The following UNC13A variants were observed in gnomAD, a reference collection of about 807,000 sequenced individuals.
The protein encoded by UNC13A is protein unc-13 homolog A.
Under a neutral mutation model 219.7 loss-of-function variants are expected in UNC13A, and 61 were observed. The observed-to-expected ratio is 0.28, with a 90% CI of 0.23 to 0.34. The LOEUF is 0.34. UNC13A is among the 10% of genes least tolerant of loss of function. UNC13A has a pLI of 1.00. For synonymous variants in UNC13A, 920 were observed against 884.6 expected, an observed-to-expected ratio of 1.04 and a Z score of -0.71; for missense variants, 1,476 against 2,270.3, an observed-to-expected ratio of 0.65 and a Z score of 7.11.
rs562193564 is a variant in UNC13A at position 17,626,602 on chromosome 19, C to T, written c.4073+31G>A. On this transcript the variant is annotated intron_variant, in intron 34 of 43. Transcript: ENST00000519716. The stretch of plus-strand genomic sequence containing the variant: ...CTATGGCCCTGCCCCAGCCCCTCCC[C>T]GGCCAGCCCAGTCCACCTGGCCCAG... 67 of 1,514,656 alleles carry T rather than the reference C, an allele frequency of 4.4e-5. No homozygotes were observed. In the East Asian group the frequency reaches 1.1e-3, roughly 25 times the overall value. 93.8% of individuals were successfully genotyped at this position (1,514,656 alleles called of 1,614,324 possible). A position where few individuals can be genotyped will look rare whatever the true frequency, so the allele number is the denominator to read the frequency against.
chr19:17,611,691 G>A, intron 42 of UNC13A, 72 bp downstream of exon 42: 2 of 1,387,132 alleles, frequency 1.4e-6, no homozygotes, highest in Admixed American at 3.5e-5. Flanking sequence ...AAAAAAGGGT[G>A]TTGCTTAAGC....
chr19:17,605,999 C>T lies in UNC13A; in HGVS notation c.*55G>A, dbSNP rs2076521077. The T allele has an allele frequency of 2.2e-6, 3 of 1,380,398 alleles. No individual in the cohort carries two copies. Among genetic ancestry groups the T allele is most frequent in the Admixed American group, 4.0e-5 (1 of 25,294 alleles). 85.5% of individuals were successfully genotyped at this position (1,380,398 alleles called of 1,614,324 possible). A position where few individuals can be genotyped will look rare whatever the true frequency, so the allele number is the denominator to read the frequency against. On this transcript the variant is annotated 3_prime_UTR_variant, in exon 44 of 44. Transcript: ENST00000519716. ...TCCCACCAAGGCGCAAGCCCCGTCC[C>T]TCCCCGCCCAGCGCCCTCCGCGCAG...
Position 17,655,271 on chromosome 19 carries a change from C to T in UNC13A, c.1392+3G>A. Reference sequence around the variant, plus strand: ...CAGGGGCATGGCTGGGCGTGTCACTCACCTCCTGCAGCTGCATCCGCACCT... The same window carrying T: ...CAGGGGCATGGCTGGGCGTGTCACTTACCTCCTGCAGCTGCATCCGCACCT... On this transcript the variant is annotated splice_donor_region_variant and intron_variant, in intron 11 of 43. Transcript: ENST00000519716. 6.4e-7 allele frequency: 1 copy of T among 1,565,322 alleles called. No individual in the cohort carries two copies. Among genetic ancestry groups the T allele is most frequent in the Non-Finnish European group, 8.6e-7 (1 of 1,158,086 alleles).
intron 43 of UNC13A, among the ~76,000 whole-genome samples, chr19:17,606,614 A>G (rs1261600144): frequency 6.6e-6 from 1 of 151,772 alleles, no homozygotes; most frequent in African/African-American, 2.4e-5. Context: ...AAATGACCGC[A>G]TAGTTTTACA....
At chr19:17,638,489 T>C (rs751753125) in intron 25 of UNC13A, among the ~76,000 whole-genome samples, 2 of 151,244 alleles carry the variant, frequency 1.3e-5, no homozygotes, top group Non-Finnish European at 2.9e-5. Context: ...ATAAATTCAA[T>C]TCAACTCAAC....
intron 28 of UNC13A, among the ~76,000 whole-genome samples, chr19:17,632,407 C>T (rs993157008): frequency 6.6e-6 from 1 of 152,200 alleles, no homozygotes; most frequent in Non-Finnish European, 1.5e-5. Context: ...AACTCCTGGG[C>T]TCAAGCAAGT....
chr19:17,645,895 C>T, intron 18 of UNC13A, 52 bp from the exon 19 acceptor site: 1 of 1,590,378 alleles, frequency 6.3e-7, no homozygotes, highest in South Asian at 1.1e-5. Flanking sequence ...AGTGTGAGTC[C>T]TGTCCTTGGA....
At chr19:17,670,953 TAAA>T (rs1011359251) in intron 4 of UNC13A, among the ~76,000 whole-genome samples, 21 of 124,730 alleles carry the variant, frequency 1.7e-4, no homozygotes, top group Non-Finnish European at 1.8e-5. Flanking sequence ...TAAAATAAAA[TAAA>T]ATAAAATGAC....
chr19:17,687,982 C>T lies in UNC13A; in HGVS notation c.22+196G>A, dbSNP rs922177183. Among the ~76,000 whole-genome samples, 67 of 151,882 alleles carry T rather than the reference C, an allele frequency of 4.4e-4. 1 individual carries two copies. Among genetic ancestry groups the T allele is most frequent in the Non-Finnish European group, 2.8e-4 (19 of 67,950 alleles). On this transcript the variant is annotated intron_variant, in intron 1 of 43. Transcript: ENST00000519716. ...CCCCTCCAGCAGCGGCCACCAGGACCCCCGAGAGCCCTGCCGCGTCTACAC... is the reference window on the plus strand; with the variant it reads ...CCCCTCCAGCAGCGGCCACCAGGACTCCCGAGAGCCCTGCCGCGTCTACAC...
intron 26 of UNC13A, among the ~76,000 whole-genome samples, chr19:17,633,430 C>T (rs1464050252): frequency 6.6e-6 from 1 of 152,128 alleles, no homozygotes; most frequent in African/African-American, 2.4e-5. Flanking sequence ...AACTATCCAC[C>T]CATACATTCA....
At chr19:17,623,382 G>C in intron 36 of UNC13A, 160 bp downstream of exon 36, 1 of 521,800 alleles carries the variant, frequency 1.9e-6, no homozygotes, top group Non-Finnish European at 3.3e-6. Context: ...CCCTCCCCAT[G>C]CCCCGCCCCA....
Position 17,628,029 on chromosome 19 carries a change from C to T in UNC13A, c.3754-89G>A, listed in dbSNP as rs2076802139. On this transcript the variant is annotated intron_variant, in intron 31 of 43. Transcript: ENST00000519716. Reference sequence around the variant, plus strand: ...ACCGCCAGGGACCTTGGGATGGTTTCAGGGTCTGGGTCTGGAGGAAGCTGG... The same window carrying T: ...ACCGCCAGGGACCTTGGGATGGTTTTAGGGTCTGGGTCTGGAGGAAGCTGG... 9.6e-6 allele frequency: 13 copies of T among 1,349,030 alleles called. No individual in the cohort carries two copies. In the South Asian group the frequency reaches 1.6e-4, roughly 16 times the overall value. The allele number at this position is 1,349,030 out of a possible 1,614,324, so 83.6% of individuals were successfully genotyped here.
chr19:17,641,506 G>T lies in UNC13A; in HGVS notation c.2523C>A (p.Ile841=). ...AGGCATCGTCACCCTTGGCATCTGG[G>T]ATCTTCACGACCCCATTGTTCTGCA... The part of the protein sequence containing the change: ...TDVQNNGVVK[I]PDAKGDDAWK... The change falls in exon 21 of 44, where the codon ATC becomes ATA. Residue 841 remains isoleucine, a synonymous_variant. Coordinates refer to ENST00000519716, the MANE Select transcript of UNC13A (RefSeq NM_001080421.3). The T allele has an allele frequency of 6.2e-7, 1 of 1,614,042 alleles. No homozygotes were observed. The highest frequency in any genetic ancestry group is 8.5e-7 in the Non-Finnish European group (1 of 1,179,972).
At chr19:17,664,500 G>GA (rs1436267068) in intron 7 of UNC13A, among the ~76,000 whole-genome samples, 17 of 152,306 alleles carry the variant, frequency 1.1e-4, no homozygotes, top group Admixed American at 1.0e-3. Flanking sequence ...GAAATAGGGT[G>GA]ACAAAATACT....
rs996395485 is a variant in UNC13A at position 17,615,075 on chromosome 19, G to A, written c.4558+2627C>T. ...CCCCACTCCCCACTCCCCAAGTCCC[G>A]GGACCCCTGCAGGGGAAGGTTCCTC... On this transcript the variant is annotated intron_variant, in intron 41 of 43. Coordinates refer to ENST00000519716, the MANE Select transcript of UNC13A (RefSeq NM_001080421.3). Among the ~76,000 whole-genome samples, 7 of 152,154 alleles carry A rather than the reference G, an allele frequency of 4.6e-5. No individual in the cohort carries two copies. In the East Asian group the frequency reaches 5.8e-4, roughly 13 times the overall value.
At position 17,639,107 on chromosome 19, in the gene UNC13A, G is replaced by A. The variant is rs746317653; in HGVS notation, c.3057C>T (p.Tyr1019=). The change falls in exon 25 of 44, where the codon TAC becomes TAT. Residue 1019 remains tyrosine, a synonymous_variant. Transcript: ENST00000519716. Reference sequence around the variant, plus strand: ...CCGGGTCTGTCTGGTACTCCCGGCTGTACAGTTCATGGCAGTTATTGAAGA... The same window carrying A: ...CCGGGTCTGTCTGGTACTCCCGGCTATACAGTTCATGGCAGTTATTGAAGA... ...EYIFNNCHEL[Y]SREYQTDPAK... is the part of the protein sequence containing the mutation. 4 of 1,608,998 alleles carry A rather than the reference G, an allele frequency of 2.5e-6. No individual in the cohort carries two copies. The highest frequency in any genetic ancestry group is 3.4e-5 in the Admixed American group (2 of 59,054).
At chr19:17,623,630 A>C in intron 35 of UNC13A, 83 bp from the exon 36 acceptor site, 2 of 695,180 alleles carry the variant, frequency 2.9e-6, no homozygotes, top group Non-Finnish European at 4.4e-6. Flanking sequence ...GGGAGGGGGC[A>C]GAGATGGCAG....
chr19:17,685,756 C>G (rs568607601), intron 1 of UNC13A, among the ~76,000 whole-genome samples: 1 of 152,290 alleles, frequency 6.6e-6, no homozygotes, highest in African/African-American at 2.4e-5. Context: ...GCATTTGTGT[C>G]CACACAGGAA....
chr19:17,688,052 C>T (rs2080148275), intron 1 of UNC13A, 126 bp downstream of exon 1: 2 of 1,249,186 alleles, frequency 1.6e-6, no homozygotes, highest in African/African-American at 1.6e-5. Context: ...AGGGCTACCC[C>T]TCTCAAAAGT....
Sources: allele counts gnomAD v4.1 joint callset (sites outside exome capture counted in the v4.1 genomes callset), GRCh38; gene constraint gnomAD v4.1.1; transcripts MANE v1.5; gene names NCBI Gene and HGNC (gene_info 2026-07-23, HGNC 2026-07-21).